The following SORCS2 variants were observed in gnomAD, a reference collection of about 807,000 sequenced individuals.
The protein encoded by SORCS2 is sortilin related VPS10 domain containing receptor 2.
SORCS2 carries 100 observed loss-of-function variants against 141.6 expected under a neutral mutation model. That is an observed-to-expected ratio of 0.71 (90% CI 0.60 to 0.83). The LOEUF (loss-of-function observed/expected upper bound fraction) is 0.83. Ranked by LOEUF, SORCS2 falls within the 40% of genes least tolerant of loss-of-function variation. The probability of loss-of-function intolerance (pLI) is 0.00; values close to 1 mark genes in which losing one functional copy is unlikely to be tolerated. For synonymous variants in SORCS2, 789 were observed against 676.9 expected (o/e 1.17, Z -2.57); for missense variants, 1,646 against 1,560.2 (o/e 1.05, Z -0.93).
chr4:7,430,026 G>A (rs1263513758), intron 2 of SORCS2, among the ~76,000 whole-genome samples: 3 of 152,160 alleles, frequency 2.0e-5, no homozygotes, highest in Non-Finnish European at 1.5e-5. Context: ...CCTGGCACTC[G>A]GGTGTGCTGG....
chr4:7,314,332 ATTTTTTTTAT>A (rs903809348), intron 1 of SORCS2, among the ~76,000 whole-genome samples: 2 of 98,658 alleles, frequency 2.0e-5, no homozygotes, highest in Non-Finnish European at 4.5e-5. Context: ...CCTTTTTTTT[ATTTTTTTTAT>A]TTTTTTTTAT....
intron 1 of SORCS2, among the ~76,000 whole-genome samples, chr4:7,365,792 T>G (rs1177222253): frequency 2.6e-5 from 4 of 152,192 alleles, no homozygotes; most frequent in African/African-American, 7.2e-5. Context: ...GTGTGTCATT[T>G]TGCTGAGCCT....
At chr4:7,292,637 C>G (rs1412800944) in intron 1 of SORCS2, among the ~76,000 whole-genome samples, 1 of 152,180 alleles carries the variant, frequency 6.6e-6, no homozygotes, top group African/African-American at 2.4e-5. Flanking sequence ...GGATCACTGA[C>G]TGGGAGCAAA....
chr4:7,615,528 A>G (rs1718702165), intron 3 of SORCS2, among the ~76,000 whole-genome samples: 1 of 152,162 alleles, frequency 6.6e-6, no homozygotes, highest in African/African-American at 2.4e-5. Flanking sequence ...TAAGAGGGAC[A>G]TGGTTACATA....
intron 1 of SORCS2, among the ~76,000 whole-genome samples, chr4:7,362,117 G>A (rs1442456753): frequency 6.6e-6 from 1 of 152,136 alleles, no homozygotes; most frequent in African/African-American, 2.4e-5. Flanking sequence ...GCATGGAAGG[G>A]CCTAGGGAAC....
intron 2 of SORCS2, among the ~76,000 whole-genome samples, chr4:7,504,676 A>G (rs1432816487): frequency 1.3e-5 from 2 of 152,182 alleles, no homozygotes; most frequent in African/African-American, 4.8e-5. Context: ...TGAGCTTGTT[A>G]AATGCTATAT....
At chr4:7,454,991 T>G (rs1728784480) in intron 2 of SORCS2, among the ~76,000 whole-genome samples, 2 of 134,804 alleles carry the variant, frequency 1.5e-5, no homozygotes, top group South Asian at 2.7e-4. Context: ...GGCTCCGTGT[T>G]AGTGTCATGC....
intron 3 of SORCS2, among the ~76,000 whole-genome samples, chr4:7,562,264 A>T (rs1714645013): frequency 6.6e-6 from 1 of 152,182 alleles, no homozygotes; most frequent in Admixed American, 6.5e-5. Flanking sequence ...GAGATGGGAA[A>T]GAGGCTGCCC....
chr4:7,274,876 C>T (rs1715382288), intron 1 of SORCS2, among the ~76,000 whole-genome samples: 1 of 152,240 alleles, frequency 6.6e-6, no homozygotes, highest in Non-Finnish European at 1.5e-5. Context: ...ACACCCTGCT[C>T]CCCCATCACG....
chr4:7,546,681 G>A (rs985635180), intron 3 of SORCS2, among the ~76,000 whole-genome samples: 6 of 152,286 alleles, frequency 3.9e-5, no homozygotes, highest in East Asian at 1.9e-4. Flanking sequence ...TCATGGGGAC[G>A]CTGCCGTGGG....
chr4:7,464,903 C>T (rs550950893), intron 2 of SORCS2, among the ~76,000 whole-genome samples: 1 of 152,348 alleles, frequency 6.6e-6, no homozygotes, highest in Admixed American at 6.5e-5. Flanking sequence ...AAGCCGGCGC[C>T]TCCGGCCATG....
At chr4:7,491,944 T>G (rs547167209) in intron 2 of SORCS2, among the ~76,000 whole-genome samples, 3 of 152,304 alleles carry the variant, frequency 2.0e-5, no homozygotes, top group East Asian at 3.9e-4. Flanking sequence ...CTGAGCACCA[T>G]GAATGTTGGC....
intron 4 of SORCS2, among the ~76,000 whole-genome samples, chr4:7,647,891 G>A (rs1037952951): frequency 2.0e-5 from 3 of 152,248 alleles, no homozygotes; most frequent in Admixed American, 6.5e-5. Flanking sequence ...ACTCTGAAGC[G>A]TGAACCGTGG....
chr4:7,283,505 G>T (rs1435949322), intron 1 of SORCS2, among the ~76,000 whole-genome samples: 3 of 152,150 alleles, frequency 2.0e-5, no homozygotes, highest in Non-Finnish European at 4.4e-5. Context: ...AGTGATTCCA[G>T]GTTTCCCAGC....
intron 15 of SORCS2, among the ~76,000 whole-genome samples, chr4:7,713,288 T>C (rs1725952847): frequency 6.6e-6 from 1 of 151,802 alleles, no homozygotes; most frequent in African/African-American, 2.4e-5. Context: ...ATATGGACAC[T>C]AAGAGGAGTA....
At chr4:7,739,481 C>A (rs897635411) in intron 26 of SORCS2, among the ~76,000 whole-genome samples, 4 of 152,204 alleles carry the variant, frequency 2.6e-5, no homozygotes, top group African/African-American at 9.6e-5. Flanking sequence ...TGCAGCCAAG[C>A]CCTTGGTCCA....
At position 7,729,582 on chromosome 4, in the gene SORCS2, C is replaced by A. The variant is rs753445747; in HGVS notation, c.2983-5C>A. The A allele has an allele frequency of 6.3e-7, 1 of 1,577,934 alleles. No individual in the cohort carries two copies. The highest frequency in any genetic ancestry group is 8.6e-7 in the Non-Finnish European group (1 of 1,162,172). On this transcript the variant is annotated splice_polypyrimidine_tract_variant and splice_region_variant and intron_variant, in intron 22 of 26. Coordinates refer to ENST00000507866, the MANE Select transcript of SORCS2 (RefSeq NM_020777.3). The stretch of plus-strand genomic sequence containing the variant: ...CGGACCAAAGTGGCTTAACTCTCCC[C>A]GCAGGAGACCAGCGTCCCTCAGGAG...
At chr4:7,221,329 C>G (rs577213859) in intron 1 of SORCS2, among the ~76,000 whole-genome samples, 1 of 152,214 alleles carries the variant, frequency 6.6e-6, no homozygotes, top group Non-Finnish European at 1.5e-5. Flanking sequence ...CCTGGGCCTA[C>G]GGGTGGACCC....
intron 3 of SORCS2, among the ~76,000 whole-genome samples, chr4:7,637,305 A>C (rs951433366): frequency 1.1e-4 from 11 of 99,750 alleles, no homozygotes; most frequent in African/African-American, 4.5e-4. Context: ...CCCCTACATC[A>C]GCACCTCGGG....
Sources: gnomAD v4.1 joint callset for allele counts (sites outside exome capture counted in the v4.1 genomes callset) on GRCh38, gnomAD v4.1.1 for gene constraint, MANE v1.5 for transcripts, NCBI Gene and HGNC (gene_info 2026-07-23, HGNC 2026-07-21) for gene names.